Variants in EFR3B observed in about 807,000 individuals in gnomAD.
EFR3B encodes protein EFR3 homolog B.
In EFR3B, 64 loss-of-function variants were observed where a neutral mutation model predicts 104.7. The ratio of observed to expected loss-of-function variants is 0.61; its 90% CI spans 0.50 to 0.75. EFR3B has a LOEUF of 0.75. Ranked by LOEUF, EFR3B falls within the 30% of genes least tolerant of loss-of-function variation. The pLI, the probability that EFR3B is intolerant of heterozygous loss-of-function variation, is 0.00. For missense variants in EFR3B, 750 were observed against 1,078.5 expected (o/e 0.70, Z 4.27); for synonymous variants, 385 against 417.9 (o/e 0.92, Z 0.96).
chr2:25,105,898 C>T (rs1669548767), intron 4 of EFR3B, among the ~76,000 whole-genome samples: 4 of 152,226 alleles, frequency 2.6e-5, no homozygotes, highest in Admixed American at 2.6e-4. Context: ...ATCATCGCAT[C>T]AGCCAGAGAG....
chr2:25,116,453 G>A (rs751453552), intron 4 of EFR3B, among the ~76,000 whole-genome samples: 4 of 151,928 alleles, frequency 2.6e-5, no homozygotes, highest in Non-Finnish European at 4.4e-5. Context: ...GCAAAACCCC[G>A]TCTCTACTAA....
chr2:25,143,672 T>C (rs973384086), intron 17 of EFR3B, 63 bp from the exon 18 acceptor site: 183 of 1,518,194 alleles, frequency 1.2e-4, no homozygotes, highest in Middle Eastern at 3.4e-4. Flanking sequence ...AAAAAAAAAA[T>C]TGTTCAGAAG....
intron 1 of EFR3B, among the ~76,000 whole-genome samples, chr2:25,067,202 G>T (rs1291441017): frequency 6.6e-6 from 1 of 152,072 alleles, no homozygotes; most frequent in African/African-American, 2.4e-5. Flanking sequence ...ATTGGGTAGT[G>T]CAGTTTAAGT....
intron 1 of EFR3B, among the ~76,000 whole-genome samples, chr2:25,046,939 T>C (rs1177254439): frequency 6.6e-6 from 1 of 152,142 alleles, no homozygotes; most frequent in African/African-American, 2.4e-5. Flanking sequence ...TGCAGCCCCA[T>C]GATCCAGGTA....
intron 1 of EFR3B, among the ~76,000 whole-genome samples, chr2:25,082,485 C>T (rs981698486): frequency 6.6e-6 from 1 of 152,212 alleles, no homozygotes; most frequent in Non-Finnish European, 1.5e-5. Flanking sequence ...GAACAGGAGC[C>T]AACTGTTCTA....
intron 6 of EFR3B, 88 bp downstream of exon 6, chr2:25,128,420 A>G (rs1400722358): frequency 1.3e-6 from 2 of 1,498,724 alleles, no homozygotes; most frequent in Non-Finnish European, 1.8e-6. Context: ...TTGGTCAGTA[A>G]AACTCAGCTA....
rs920576273 is a variant in EFR3B, at chr2:25,136,780, G to A, written c.1560+182G>A. Among the ~76,000 whole-genome samples, 1 of 152,228 alleles carries A rather than the reference G, an allele frequency of 6.6e-6. No homozygotes were observed. Among genetic ancestry groups the A allele is most frequent in the Non-Finnish European group, 1.5e-5 (1 of 68,038 alleles). On this transcript the variant is annotated intron_variant, in intron 14 of 22. Transcript: ENST00000403714. This position sits in a 1 kb window ranked among gnomAD's most constrained non-coding sequence, Gnocchi z 4.0. Reference sequence around the variant, plus strand: ...AAGCTACAAAAATTAACCGGGCATGGTGGTGGGCACCTGCAATCCCAGCTA... The same window carrying A: ...AAGCTACAAAAATTAACCGGGCATGATGGTGGGCACCTGCAATCCCAGCTA...
intron 18 of EFR3B, among the ~76,000 whole-genome samples, chr2:25,144,424 G>A (rs1233421112): frequency 2.1e-5 from 3 of 142,354 alleles, no homozygotes; most frequent in East Asian, 3.9e-4. Flanking sequence ...GGTGCCTGTA[G>A]TCCCAGCTAC....
chr2:25,051,820 A>G (rs1667878730), intron 1 of EFR3B, among the ~76,000 whole-genome samples: 1 of 149,958 alleles, frequency 6.7e-6, no homozygotes, highest in African/African-American at 2.4e-5. Flanking sequence ...TTGTATTTTT[A>G]GTGAAGACAG....
chr2:25,057,163 G>A (rs1668043873), intron 1 of EFR3B, among the ~76,000 whole-genome samples: 1 of 152,148 alleles, frequency 6.6e-6, no homozygotes, highest in African/African-American at 2.4e-5. Context: ...GTAAGACAGG[G>A]ATAATTCTCC....
At chr2:25,121,940 C>G in intron 5 of EFR3B, 146 bp downstream of exon 5, 1 of 1,085,462 alleles carries the variant, frequency 9.2e-7, no homozygotes, top group Non-Finnish European at 1.3e-6. Flanking sequence ...TGGGCCAGCA[C>G]CCAGCTCCCT....
intron 4 of EFR3B, among the ~76,000 whole-genome samples, chr2:25,118,243 A>T (rs1428918654): frequency 6.6e-6 from 1 of 152,166 alleles, no homozygotes; most frequent in Non-Finnish European, 1.5e-5. Flanking sequence ...CGCCTCCAAA[A>T]GTGCTAGGAT....
chr2:25,144,794 C>T (rs1294979205), intron 18 of EFR3B, among the ~76,000 whole-genome samples, 166 bp from the exon 19 acceptor site: 1 of 152,200 alleles, frequency 6.6e-6, no homozygotes, highest in African/African-American at 2.4e-5. Flanking sequence ...AGAAGGCCCA[C>T]AGCAATCGGA....
At chr2:25,153,151 C>T (rs997725333) in intron 21 of EFR3B, among the ~76,000 whole-genome samples, 10 of 152,056 alleles carry the variant, frequency 6.6e-5, no homozygotes, top group Non-Finnish European at 1.3e-4. Flanking sequence ...GTCAGGAGTT[C>T]GAGACCAGCC....
In EFR3B at chr2:25,157,475, C is replaced by T. The variant is rs1671204626; in HGVS notation, c.*3135C>T. On this transcript the variant is annotated 3_prime_UTR_variant, in exon 23 of 23. Coordinates refer to ENST00000403714, the MANE Select transcript of EFR3B (RefSeq NM_014971.2). ...TCCTGCCCTTCCAAGCCCCTGGAGG[C>T]TAGTGGCATTGCATTGTGCCCCTTT... 1 of 152,244 alleles carries T rather than the reference C, an allele frequency of 6.6e-6. No individual in the cohort carries two copies. The highest frequency in any genetic ancestry group is 6.5e-5 in the Admixed American group (1 of 15,280). The allele number at this position is 152,244 out of a possible 1,614,324, so 9.4% of individuals were successfully genotyped here.
rs527775930 is a variant in EFR3B at position 25,110,988 on chromosome 2, C to T, written c.363+7201C>T. Reference sequence around the variant, plus strand: ...GGTCAGTTGCTTTGTAGAATGCCCTCCATTCTGGATTTGTCTGGTTCTTTG... The same window carrying T: ...GGTCAGTTGCTTTGTAGAATGCCCTTCATTCTGGATTTGTCTGGTTCTTTG... On this transcript the variant is annotated intron_variant, in intron 4 of 22. Coordinates refer to ENST00000403714, the MANE Select transcript of EFR3B (RefSeq NM_014971.2). Among the ~76,000 whole-genome samples, 4 of 152,328 alleles carry T rather than the reference C, an allele frequency of 2.6e-5. No homozygotes were observed. In the East Asian group the frequency reaches 7.7e-4, roughly 29 times the overall value.
chr2:25,144,189 C>T (rs1432712534), intron 18 of EFR3B, among the ~76,000 whole-genome samples: 2 of 152,294 alleles, frequency 1.3e-5, no homozygotes, highest in Non-Finnish European at 2.9e-5. Flanking sequence ...CCTGAAAGAT[C>T]TTAGACAAGT....
In EFR3B at chr2:25,131,948, G is replaced by A. The variant is rs1670351430; in HGVS notation, c.1147+37G>A. The A allele has an allele frequency of 2.2e-6, 3 of 1,386,068 alleles. No individual in the cohort carries two copies. Among genetic ancestry groups the A allele is most frequent in the East Asian group, 2.9e-5 (1 of 34,688 alleles). The allele number at this position is 1,386,068 out of a possible 1,614,324, so 85.9% of individuals were successfully genotyped here. A position where few individuals can be genotyped will look rare whatever the true frequency, so the allele number is the denominator to read the frequency against. On this transcript the variant is annotated intron_variant, in intron 10 of 22. Coordinates refer to ENST00000403714, the MANE Select transcript of EFR3B (RefSeq NM_014971.2). The surrounding 1 kb of genome is among the most constrained non-coding windows in gnomAD (Gnocchi z 7.6). ...GGCCGGGCCGGGGCGGGGCGGGGCC[G>A]AGGCGCGGAGTGGGGAGGGGAGGGG... is the stretch of plus-strand genomic sequence containing the variant.
At chr2:25,085,558 C>A (rs535830414) in intron 1 of EFR3B, among the ~76,000 whole-genome samples, 18 of 152,044 alleles carry the variant, frequency 1.2e-4, no homozygotes, top group Admixed American at 1.2e-3. Flanking sequence ...TCCACGTCCC[C>A]GGCTCAAGTG....
Sources: gnomAD v4.1 joint callset for allele counts (sites outside exome capture counted in the v4.1 genomes callset) on GRCh38, gnomAD v4.1.1 for gene constraint, Gnocchi (gnomAD v3.1) non-coding constraint, MANE v1.5 for transcripts, NCBI Gene and HGNC (gene_info 2026-07-23, HGNC 2026-07-21) for gene names.